The following SDHD variants were observed in gnomAD, a reference collection of about 807,000 sequenced individuals.
The protein encoded by SDHD is succinate dehydrogenase complex subunit D.
Under a neutral mutation model 18.7 loss-of-function variants are expected in SDHD, and 6 were observed. The ratio of observed to expected loss-of-function variants is 0.32; its 90% CI spans 0.18 to 0.63. The LOEUF is 0.63. SDHD is among the 30% of genes least tolerant of loss of function. SDHD has a pLI of 0.79. For missense variants in SDHD, 160 were observed against 192.7 expected, an observed-to-expected ratio of 0.83 and a Z score of 1.00; for synonymous variants, 56 against 73.9, an observed-to-expected ratio of 0.76 and a Z score of 1.24.
intron 2 of SDHD, chr11:112,088,342 G>A: frequency 2.9e-6 from 1 of 350,654 alleles, no homozygotes; most frequent in Non-Finnish European, 5.5e-6. Flanking sequence ...TGGGATTACA[G>A]GCGCCCACCA....
At chr11:112,088,635 T>G (rs1432890804) in intron 2 of SDHD, 1 of 590,516 alleles carries the variant, frequency 1.7e-6, no homozygotes, top group Non-Finnish European at 3.0e-6. Context: ...CTAATCAATA[T>G]GTAGGCATTG....
At chr11:112,090,802 T>C (rs1442690172) in intron 3 of SDHD, among the ~76,000 whole-genome samples, 1 of 151,556 alleles carries the variant, frequency 6.6e-6, no homozygotes, top group African/African-American at 2.4e-5. Flanking sequence ...TTCAAGCAAT[T>C]CTCATGCCTC....
chr11:112,094,312 C>T lies in SDHD; in HGVS notation c.315-493C>T, dbSNP rs1020767894. On this transcript the variant is annotated intron_variant, in intron 3 of 3. Coordinates refer to ENST00000375549, the MANE Select transcript of SDHD (RefSeq NM_003002.4). ...ACTTGGGAGGCTGGGGCAGGAGAATCACTTGAACCCGGGAGGCGGAGGTTG... is the reference window on the plus strand; with the variant it reads ...ACTTGGGAGGCTGGGGCAGGAGAATTACTTGAACCCGGGAGGCGGAGGTTG... Among the ~76,000 whole-genome samples, 4 of 152,206 alleles carry T rather than the reference C, an allele frequency of 2.6e-5. No individual in the cohort carries two copies. The East Asian group carries it at 5.8e-4, about 22-fold the overall frequency.
At position 112,093,917 on chromosome 11, in the gene SDHD, G is replaced by C. The variant is rs890593322; in HGVS notation, c.315-888G>C. ...TATATTCCATAAGGGTAGGGATGCT[G>C]TCTCACTTACTATACTCCCAACATT... On this transcript the variant is annotated intron_variant, in intron 3 of 3. Coordinates refer to ENST00000375549, the MANE Select transcript of SDHD (RefSeq NM_003002.4). Among the ~76,000 whole-genome samples the C allele has an allele frequency of 1.7e-4, 26 of 152,246 alleles. No individual in the cohort carries two copies. The South Asian group carries it at 3.3e-3, about 19-fold the overall frequency.
At position 112,088,876 on chromosome 11, in the gene SDHD, A is replaced by G. The variant is rs1224764636; in HGVS notation, c.179A>G (p.Lys60Arg). 1 of 1,612,298 alleles carries G rather than the reference A, an allele frequency of 6.2e-7. No homozygotes were observed. Among genetic ancestry groups the G allele is most frequent in the East Asian group, 2.2e-5 (1 of 44,872 alleles). The change falls in exon 3 of 4, where the codon AAG (lysine) becomes AGG (arginine). Residue 60 changes from lysine to arginine, a missense_variant. Physicochemically the swap from Lys to Arg is conservative, Grantham distance 26. Coordinates refer to ENST00000375549, the MANE Select transcript of SDHD (RefSeq NM_003002.4). ...CTGGTCCTTTTTGTAGCTGGCTCCAAGGCTGCATCTCTCCACTGGACTAGC... is the reference window on the plus strand; with the variant it reads ...CTGGTCCTTTTTGTAGCTGGCTCCAGGGCTGCATCTCTCCACTGGACTAGC... ...HLSPSHHSGS[K>R]AASLHWTSER...
intron 2 of SDHD, chr11:112,088,183 T>C: frequency 1.7e-6 from 1 of 596,500 alleles, no homozygotes; most frequent in Non-Finnish European, 3.0e-6. Flanking sequence ...AGCCTAAGTC[T>C]TTACAAATTT....
intron 3 of SDHD, chr11:112,093,135 C>T (rs752411737): frequency 2.6e-5 from 10 of 387,658 alleles, no homozygotes; most frequent in Middle Eastern, 8.1e-4. Context: ...AGCACGATCT[C>T]AGCTTACTGC....
At chr11:112,092,186 T>A (rs1299151704) in intron 3 of SDHD, among the ~76,000 whole-genome samples, 2 of 151,498 alleles carry the variant, frequency 1.3e-5, no homozygotes. Context: ...CAAACCACCA[T>A]GGCACATGTA....
At chr11:112,088,133 A>G (rs879246681) in intron 2 of SDHD, 160 bp downstream of exon 2, 12 of 733,010 alleles carry the variant, frequency 1.6e-5, no homozygotes, top group South Asian at 2.8e-5. Flanking sequence ...CAGTGCCATT[A>G]TGGTTGAATG....
chr11:112,086,940 C>T lies in SDHD; in HGVS notation c.33C>T (p.Cys11=), dbSNP rs104894309. The T allele has an allele frequency of 1.9e-6, 3 of 1,614,028 alleles. No individual in the cohort carries two copies. The highest frequency in any genetic ancestry group is 1.7e-5 in the Admixed American group (1 of 60,006). ...TTCTCTGGAGGCTGAGTGCCGTTTG[C>T]GGTGCCCTAGGAGGCCGAGGTGAGG... The part of the protein sequence containing the change: MAVLWRLSAV[C]GALGGRALLL... Residue 11 remains cysteine, a synonymous_variant, in exon 1 of 4, where the codon TGC becomes TGT. Coordinates refer to ENST00000375549, the MANE Select transcript of SDHD (RefSeq NM_003002.4).
chr11:112,088,716 AACT>A (rs1865678946), intron 2 of SDHD, 148 bp from the exon 3 acceptor site: 2 of 878,526 alleles, frequency 2.3e-6, no homozygotes, highest in South Asian at 1.4e-5. Context: ...AGCTTCTCTC[AACT>A]ACTATTTTGA....
intron 1 of SDHD, 90 bp from the exon 2 acceptor site, chr11:112,087,767 G>A: frequency 1.2e-6 from 1 of 830,134 alleles, no homozygotes; most frequent in Admixed American, 1.7e-5. Flanking sequence ...CCTATTTATT[G>A]TTAAGTAGCT....
intron 2 of SDHD, 72 bp from the exon 3 acceptor site, chr11:112,088,795 G>T: frequency 6.4e-7 from 1 of 1,567,208 alleles, no homozygotes; most frequent in South Asian, 1.1e-5. Context: ...TTGGGTTACT[G>T]TGTGGCATAT....
chr11:112,094,124 G>A (rs556804286), intron 3 of SDHD, among the ~76,000 whole-genome samples: 2 of 152,224 alleles, frequency 1.3e-5, no homozygotes, highest in African/African-American at 4.8e-5. Context: ...AACAGGCCAG[G>A]CGCAGTAGCT....
At chr11:112,091,157 C>T in intron 3 of SDHD, 1 of 906,160 alleles carries the variant, frequency 1.1e-6, no homozygotes, top group South Asian at 5.1e-5. Flanking sequence ...TCTAACATGT[C>T]ATCCCTCTTG....
chr11:112,095,792 T>C lies in SDHD; in HGVS notation c.*822T>C, dbSNP rs201472512. On this transcript the variant is annotated 3_prime_UTR_variant, in exon 4 of 4. Transcript: ENST00000375549. ...TATAATAAAAGTGTCTTCTATGCTT[T>C]TATATATTAGCTATCAGTAGTTTTA... 245 of 200,232 alleles carry C rather than the reference T, an allele frequency of 1.2e-3. No homozygotes were observed. The highest frequency in any genetic ancestry group is 1.9e-3 in the Non-Finnish European group (188 of 97,714). 12.4% of individuals were successfully genotyped at this position (200,232 alleles called of 1,614,324 possible).
chr11:112,088,035 C>A, intron 2 of SDHD, 62 bp downstream of exon 2: 1 of 1,161,354 alleles, frequency 8.6e-7, no homozygotes, highest in South Asian at 1.2e-5. Context: ...CACTAATGGT[C>A]ATGCCTTTAG....
In SDHD at chr11:112,095,005, T is replaced by C. The variant is rs201102587; in HGVS notation, c.*35T>C. The C allele has an allele frequency of 3.8e-6, 6 of 1,569,792 alleles. No homozygotes were observed. The highest frequency in any genetic ancestry group is 2.2e-5 in the East Asian group (1 of 44,688). ...CTTCATACTTTGAAGAATTGATGTATGCCTCTTTGCCTCTGCTTTGTCATG... is the reference window on the plus strand; with the variant it reads ...CTTCATACTTTGAAGAATTGATGTACGCCTCTTTGCCTCTGCTTTGTCATG... On this transcript the variant is annotated 3_prime_UTR_variant, in exon 4 of 4. Transcript: ENST00000375549.
Position 112,094,879 on chromosome 11 carries a change from C to G in SDHD, c.389C>G (p.Ala130Gly), listed in dbSNP as rs1049692537. The G allele has an allele frequency of 1.2e-6, 2 of 1,611,868 alleles. No individual in the cohort carries two copies. Among genetic ancestry groups the G allele is most frequent in the East Asian group, 4.5e-5 (2 of 44,888 alleles). ...LQKAAKAGLL[A>G]LSALTFAGLC... is the part of the protein sequence containing the mutation. The stretch of plus-strand genomic sequence containing the variant: ...AAAGCTGCCAAGGCAGGGCTTTTGG[C>G]ACTTTCAGCTTTAACCTTTGCTGGG... The change falls in exon 4 of 4, where the codon GCA becomes GGA. Residue 130 changes from alanine to glycine, a missense_variant. Physicochemically the swap from Ala to Gly is moderately conservative, Grantham distance 60. Coordinates refer to ENST00000375549, the MANE Select transcript of SDHD (RefSeq NM_003002.4).
Sources: allele counts gnomAD v4.1 joint callset (sites outside exome capture counted in the v4.1 genomes callset), GRCh38; gene constraint gnomAD v4.1.1; transcripts MANE v1.5; gene names NCBI Gene and HGNC (gene_info 2026-07-23, HGNC 2026-07-21).